PARL: variants seen among roughly 807,000 people sequenced by gnomAD.
PARL encodes presenilin-associated rhomboid-like protein, mitochondrial.
PARL carries 44 observed loss-of-function variants against 51.6 expected under a neutral mutation model. That is an observed-to-expected ratio of 0.85 (90% CI 0.67 to 1.10). The LOEUF (loss-of-function observed/expected upper bound fraction) is 1.10, where lower values mean the gene tolerates loss of function less well. Ranked by LOEUF, PARL falls within the 50% of genes least tolerant of loss-of-function variation. PARL has a pLI of 0.00. For missense variants in PARL, 441 were observed against 469.5 expected (o/e 0.94, Z 0.56); for synonymous variants, 172 against 164.0 (o/e 1.05, Z -0.37).
At chr3:183,862,399 T>C (rs1278629796) in intron 4 of PARL, among the ~76,000 whole-genome samples, 1 of 152,152 alleles carries the variant, frequency 6.6e-6, no homozygotes, top group African/African-American at 2.4e-5. Context: ...CAACTCCAAG[T>C]AGGGACAGAA....
intron 1 of PARL, among the ~76,000 whole-genome samples, chr3:183,873,303 C>T (rs1189561693): frequency 2.0e-5 from 3 of 152,096 alleles, no homozygotes; most frequent in Non-Finnish European, 4.4e-5. Context: ...GTCAAGAGTT[C>T]GAGACCAGCT....
At chr3:183,826,748 C>G (rs894397800), downstream of PARL, 3 of 985,302 alleles carry the variant, frequency 3.0e-6, no homozygotes, top group South Asian at 4.7e-5. Context: ...AAATGACACA[C>G]AGGGGCCGGG....
chr3:183,828,709 A>C (rs1462442106), downstream of PARL, among the ~76,000 whole-genome samples: 1 of 152,184 alleles, frequency 6.6e-6, no homozygotes, highest in Non-Finnish European at 1.5e-5. Context: ...CCTGAGTCCG[A>C]TCGGCCACAG....
intron 9 of PARL, among the ~76,000 whole-genome samples, chr3:183,831,178 A>T (rs1442785976): frequency 6.6e-6 from 1 of 152,050 alleles, no homozygotes; most frequent in Non-Finnish European, 1.5e-5. Context: ...GTTTCCCCAT[A>T]TTGGTCAGGC....
chr3:183,873,087 C>T (rs142155497), intron 1 of PARL, among the ~76,000 whole-genome samples: 332 of 152,252 alleles, frequency 2.2e-3, no homozygotes, highest in African/African-American at 7.8e-3. Flanking sequence ...ATTTAAAGAT[C>T]CCAAAGTAAC....
chr3:183,847,801 G>C (rs1242083138), intron 4 of PARL, among the ~76,000 whole-genome samples: 3 of 152,160 alleles, frequency 2.0e-5, no homozygotes, highest in African/African-American at 7.2e-5. Context: ...AAAGGTTGTA[G>C]TGAGGCTTAA....
chr3:183,849,265 A>C lies in PARL; in HGVS notation c.512-4939T>G, dbSNP rs372413628. ...CTCAAGTGCACATGCAGCACATTCC[A>C]GGATATGTTCAGTCACAAAACAACT... On this transcript the variant is annotated intron_variant, in intron 4 of 9. Coordinates refer to ENST00000317096, the MANE Select transcript of PARL (RefSeq NM_018622.7). 9.2e-5 allele frequency among the ~76,000 whole-genome samples: 14 copies of C among 152,300 alleles called. 1 individual carries two copies. Among genetic ancestry groups the C allele is most frequent in the Admixed American group, 4.6e-4 (7 of 15,272 alleles).
chr3:183,832,391 T>C (rs1728048638), intron 9 of PARL, among the ~76,000 whole-genome samples: 1 of 152,046 alleles, frequency 6.6e-6, no homozygotes, highest in Admixed American at 6.6e-5. Flanking sequence ...GCTAAGTTTT[T>C]TGTATTTTTA....
chr3:183,864,394 A>G (rs1732196856), intron 3 of PARL, among the ~76,000 whole-genome samples: 1 of 152,170 alleles, frequency 6.6e-6, no homozygotes, highest in South Asian at 2.1e-4. Context: ...ATGTGTCATT[A>G]AAAAAACAGA....
intron 4 of PARL, among the ~76,000 whole-genome samples, chr3:183,854,136 T>G (rs1439802980): frequency 6.6e-6 from 1 of 151,676 alleles, no homozygotes; most frequent in Non-Finnish European, 1.5e-5. Context: ...TCCCAGCCAC[T>G]CGGTAGGCTG....
chr3:183,836,169 A>G (rs1191238425), intron 7 of PARL, among the ~76,000 whole-genome samples: 1 of 144,488 alleles, frequency 6.9e-6, no homozygotes, highest in Non-Finnish European at 1.5e-5. Context: ...GCGAGCCGAG[A>G]TCGCACCTTT....
Position 183,882,308 on chromosome 3 carries a change from CAT to C in PARL, c.125+2412_125+2413del, listed in dbSNP as rs531712082. 1.7e-3 allele frequency among the ~76,000 whole-genome samples: 157 copies of C among 92,882 alleles called. 7 individuals carry two copies. The highest frequency in any genetic ancestry group is 5.1e-3 in the African/African-American group (145 of 28,340). 60.9% of individuals were successfully genotyped at this position (92,882 alleles called of 152,430 possible). On this transcript the variant is annotated intron_variant, in intron 1 of 9. Transcript: ENST00000317096. ...ACACACACACATATATATACACACACATATATACACACATATATACACATATA... is the reference window on the plus strand; with the variant it reads ...ACACACACACATATATATACACACACATATACACACATATATACACATATA...
intron 4 of PARL, among the ~76,000 whole-genome samples, chr3:183,845,315 C>A (rs1392836485): frequency 3.9e-5 from 6 of 152,134 alleles, no homozygotes; most frequent in Non-Finnish European, 5.9e-5. Flanking sequence ...CCTGGCATTT[C>A]TAGTCTGTCC....
chr3:183,878,573 T>C (rs1409124583), intron 1 of PARL, among the ~76,000 whole-genome samples: 3 of 152,142 alleles, frequency 2.0e-5, no homozygotes, highest in African/African-American at 7.2e-5. Flanking sequence ...CAAATGAGAA[T>C]GTCTAGGAGT....
chr3:183,852,497 G>C (rs1276376638), intron 4 of PARL, among the ~76,000 whole-genome samples: 3 of 152,132 alleles, frequency 2.0e-5, no homozygotes, highest in Non-Finnish European at 4.4e-5. Flanking sequence ...CTGAGGGGAG[G>C]GGGTAATAGG....
At chr3:183,874,481 T>C (rs1733568481) in intron 1 of PARL, among the ~76,000 whole-genome samples, 1 of 151,026 alleles carries the variant, frequency 6.6e-6, no homozygotes, top group Non-Finnish European at 1.5e-5. Flanking sequence ...CGATCTCGAC[T>C]CACTGCAACC....
intron 1 of PARL, among the ~76,000 whole-genome samples, chr3:183,871,096 A>G (rs545836816): frequency 2.6e-5 from 4 of 152,270 alleles, no homozygotes; most frequent in African/African-American, 9.6e-5. Flanking sequence ...AAGGTCAATA[A>G]TTATCTGTCA....
In PARL at chr3:183,833,740, G is replaced by A. The variant is rs201515672; in HGVS notation, c.914C>T (p.Thr305Met). 5.8e-5 allele frequency: 93 copies of A among 1,607,550 alleles called. No individual in the cohort carries two copies. Among genetic ancestry groups the A allele is most frequent in the South Asian group, 1.4e-4 (13 of 90,960 alleles). Residue 305 changes from threonine to methionine, a missense_variant, in exon 8 of 10, where the codon ACG (threonine) becomes ATG (methionine). Physicochemically the swap from Thr to Met is moderately conservative, Grantham distance 81 (BLOSUM62 -1). Coordinates refer to ENST00000317096, the MANE Select transcript of PARL (RefSeq NM_018622.7). ...RLAIIFLPMF[T>M]FTAGNALKAI... Reference sequence around the variant, plus strand: ...AATACTTACATTCCCTGCTGTGAACGTGAACATCGGAAGGAAAATAATGGC... The same window carrying A: ...AATACTTACATTCCCTGCTGTGAACATGAACATCGGAAGGAAAATAATGGC...
intron 5 of PARL, among the ~76,000 whole-genome samples, 193 bp downstream of exon 5, chr3:183,844,038 C>CA (rs1180923334): frequency 1.5e-4 from 22 of 151,618 alleles, no homozygotes; most frequent in Admixed American, 4.6e-4. Flanking sequence ...GACTCCGTCT[C>CA]AAAAAAAACA....
Sources: gnomAD v4.1 joint callset for allele counts (sites outside exome capture counted in the v4.1 genomes callset) on GRCh38, gnomAD v4.1.1 for gene constraint, MANE v1.5 for transcripts, NCBI Gene and HGNC (gene_info 2026-07-23, HGNC 2026-07-21) for gene names.